Variants in KIAA0930 observed in about 807,000 individuals in gnomAD.
KIAA0930 encodes uncharacterized protein KIAA0930.
KIAA0930 carries 24 observed loss-of-function variants against 43.9 expected under a neutral mutation model. The ratio of observed to expected loss-of-function variants is 0.55; its 90% CI spans 0.40 to 0.77. The LOEUF is 0.77. Among genes scored for constraint, KIAA0930 ranks in the 30% least tolerant of loss-of-function variants. The pLI is 0.00. For synonymous variants in KIAA0930, 259 were observed against 216.4 expected (o/e 1.20, Z -1.73); for missense variants, 461 against 574.2 (o/e 0.80, Z 2.02).
intron 5 of KIAA0930, 39 bp from the exon 6 acceptor site, chr22:45,204,024 GCT>G: frequency 6.2e-7 from 1 of 1,611,642 alleles, no homozygotes; most frequent in Non-Finnish European, 8.5e-7. Context: ...GTGACCATCA[GCT>G]CCCACCGCCC....
intron 1 of KIAA0930, among the ~76,000 whole-genome samples, chr22:45,222,559 T>G (rs892696440): frequency 2.0e-5 from 3 of 152,086 alleles, no homozygotes; most frequent in Non-Finnish European, 4.4e-5. Context: ...TCCGCTTGCC[T>G]TGGCCTCCCA....
chr22:45,203,250 G>C, intron 6 of KIAA0930, 66 bp from the exon 7 acceptor site: 2 of 1,467,938 alleles, frequency 1.4e-6, no homozygotes, highest in South Asian at 2.6e-5. Context: ...CCCCTCCCCA[G>C]GACATGAACA....
chr22:45,230,580 C>CT lies in KIAA0930; in HGVS notation c.64+10059dup, dbSNP rs796595254. ...CCAGTTTATTACCCCAGATCACATTCTTTTTTTTTTTTTTTTTTTGAGACG... is the reference window on the plus strand; with the variant it reads ...CCAGTTTATTACCCCAGATCACATTCTTTTTTTTTTTTTTTTTTTTGAGACG... On this transcript the variant is annotated intron_variant, in intron 1 of 9. Transcript: ENST00000336156. Among the ~76,000 whole-genome samples, 510 of 128,668 alleles carry CT rather than the reference C, an allele frequency of 4.0e-3. 3 individuals are homozygous for CT. The highest frequency in any genetic ancestry group is 0.012 in the Middle Eastern group (3 of 244). 84.4% of individuals were successfully genotyped at this position (128,668 alleles called of 152,430 possible).
intron 1 of KIAA0930, among the ~76,000 whole-genome samples, chr22:45,217,861 C>T (rs773520998): frequency 2.0e-5 from 3 of 152,198 alleles, no homozygotes; most frequent in African/African-American, 7.2e-5. Context: ...CTGCCTCAAG[C>T]GAGTGACCTG....
At chr22:45,233,902 G>A (rs1163221393) in intron 1 of KIAA0930, among the ~76,000 whole-genome samples, 1 of 152,210 alleles carries the variant, frequency 6.6e-6, no homozygotes, top group African/African-American at 2.4e-5. Flanking sequence ...CATGCAGGAG[G>A]GATCAGAGGT....
At chr22:45,210,205 G>T (rs753658609) in intron 2 of KIAA0930, among the ~76,000 whole-genome samples, 1 of 152,186 alleles carries the variant, frequency 6.6e-6, no homozygotes, top group Non-Finnish European at 1.5e-5. Context: ...CCAACATTTG[G>T]GGGTGGGAGA....
In KIAA0930 at chr22:45,240,659, G is replaced by A. The variant is rs1161744108; in HGVS notation, c.45C>T (p.Arg15=). 2 of 1,524,572 alleles carry A rather than the reference G, an allele frequency of 1.3e-6. No individual in the cohort carries two copies. Among genetic ancestry groups the A allele is most frequent in the South Asian group, 1.2e-5 (1 of 83,522 alleles). The allele number at this position is 1,524,572 out of a possible 1,614,324, so 94.4% of individuals were successfully genotyped here. A position where few individuals can be genotyped will look rare whatever the true frequency, so the allele number is the denominator to read the frequency against. The change falls in exon 1 of 10, where the codon CGC becomes CGT. Residue 15 remains arginine (R), a synonymous_variant. Transcript: ENST00000336156. The part of the protein sequence containing the change: ...IAEERGRLSL[R]REVCGLGCFK... Reference sequence around the variant, plus strand: ...ACTCACCGAGGCCGCAGACCTCGCGGCGCAGGCTAAGACGGCCGCGCTCCT... The same window carrying A: ...ACTCACCGAGGCCGCAGACCTCGCGACGCAGGCTAAGACGGCCGCGCTCCT...
At chr22:45,217,265 G>A (rs2083738862) in intron 1 of KIAA0930, among the ~76,000 whole-genome samples, 1 of 147,882 alleles carries the variant, frequency 6.8e-6, no homozygotes. Context: ...GGAGGCTAAG[G>A]CAGAAGAATC....
chr22:45,226,577 T>C (rs1223133649), intron 1 of KIAA0930, among the ~76,000 whole-genome samples: 1 of 151,854 alleles, frequency 6.6e-6, no homozygotes, highest in Non-Finnish European at 1.5e-5. Context: ...ACAGTTTCAA[T>C]ATCTCCTAAG....
intron 2 of KIAA0930, among the ~76,000 whole-genome samples, chr22:45,206,149 G>A (rs2083636173): frequency 6.6e-6 from 1 of 152,136 alleles, no homozygotes; most frequent in South Asian, 2.1e-4. Context: ...CCAAGCAACA[G>A]GGACCACAGG....
intron 2 of KIAA0930, 25 bp downstream of exon 2, chr22:45,211,931 G>A: frequency 1.2e-6 from 2 of 1,603,892 alleles, no homozygotes; most frequent in Non-Finnish European, 1.7e-6. Context: ...CACAGACGCA[G>A]GGGCAGGGGC....
rs2083606576 is a variant in KIAA0930 at position 45,203,319 on chromosome 22, C to T, written c.658-135G>A. On this transcript the variant is annotated intron_variant, in intron 6 of 9. Coordinates refer to ENST00000336156, the MANE Select transcript of KIAA0930 (RefSeq NM_001009880.2). ...GCCCGGGAGGGAGCGTCTGAGCTGG[C>T]AGGCGGGGCAGCTGGAATGGACCCA... 8.2e-6 allele frequency: 7 copies of T among 858,292 alleles called. No individual in the cohort carries two copies. The South Asian group carries it at 1.0e-4, about 13-fold the overall frequency. 53.2% of individuals were successfully genotyped at this position (858,292 alleles called of 1,614,324 possible). A position where few individuals can be genotyped will look rare whatever the true frequency, so the allele number is the denominator to read the frequency against.
At chr22:45,226,600 G>A (rs1360524236) in intron 1 of KIAA0930, among the ~76,000 whole-genome samples, 1 of 151,946 alleles carries the variant, frequency 6.6e-6, no homozygotes, top group Non-Finnish European at 1.5e-5. Context: ...CAATCATCAA[G>A]CTGAAACAGT....
chr22:45,234,534 GC>G (rs1343772297), intron 1 of KIAA0930, among the ~76,000 whole-genome samples: 1 of 152,196 alleles, frequency 6.6e-6, no homozygotes, highest in Non-Finnish European at 1.5e-5. Context: ...TTCTCCTTCA[GC>G]CCCGTGAACA....
At chr22:45,232,397 C>G (rs920756918) in intron 1 of KIAA0930, among the ~76,000 whole-genome samples, 1 of 152,202 alleles carries the variant, frequency 6.6e-6, no homozygotes, top group Non-Finnish European at 1.5e-5. Flanking sequence ...ATAATGGACA[C>G]GTGGAGTAAG....
In KIAA0930 at chr22:45,203,149, C is replaced by T. The variant is rs150986581; in HGVS notation, c.693G>A (p.Ser231=). Residue 231 remains serine (S), a synonymous_variant, in exon 7 of 10, where the codon TCG becomes TCA. Transcript: ENST00000336156. ...SVAARMAQKM[S]FGFYKYSNME... ...TGTTGCTGTACTTGTAGAAGCCAAA[C>T]GACATCTTCTGTGCCATGCGGGCGG... 190 of 1,612,758 alleles carry T rather than the reference C, an allele frequency of 1.2e-4. 2 individuals carry two copies. The East Asian group carries it at 3.1e-3, about 27-fold the overall frequency.
intron 2 of KIAA0930, chr22:45,207,815 G>A (rs2083652205): frequency 5.9e-6 from 1 of 169,726 alleles, no homozygotes. Flanking sequence ...CTAGGAGCGA[G>A]AAACAGACGT....
At chr22:45,210,682 C>A (rs2083684713) in intron 2 of KIAA0930, among the ~76,000 whole-genome samples, 1 of 151,290 alleles carries the variant, frequency 6.6e-6, no homozygotes, top group South Asian at 2.1e-4. Flanking sequence ...CCTGAGCCAG[C>A]TCCAGAAGGT....
chr22:45,228,586 C>T (rs1417240864), intron 1 of KIAA0930, among the ~76,000 whole-genome samples: 1 of 152,154 alleles, frequency 6.6e-6, no homozygotes, highest in Non-Finnish European at 1.5e-5. Flanking sequence ...ACCTTCATTG[C>T]CCTTTTCCTG....
Sources: allele counts gnomAD v4.1 joint callset (sites outside exome capture counted in the v4.1 genomes callset), GRCh38; gene constraint gnomAD v4.1.1; transcripts MANE v1.5; gene names NCBI Gene and HGNC (gene_info 2026-07-23, HGNC 2026-07-21).